DCC: variants seen among roughly 807,000 people sequenced by gnomAD.
DCC encodes DCC netrin 1 receptor, also known as netrin receptor DCC.
Under a neutral mutation model 172.5 loss-of-function variants are expected in DCC, and 58 were observed. The ratio of observed to expected loss-of-function variants is 0.34; its 90% CI spans 0.27 to 0.42. The LOEUF (loss-of-function observed/expected upper bound fraction) is 0.42, where lower values mean the gene tolerates loss of function less well. Ranked by LOEUF, DCC falls within the 10% of genes least tolerant of loss-of-function variation. DCC has a pLI of 1.00. For synonymous variants in DCC, 709 were observed against 644.5 expected (o/e 1.10, Z -1.52); for missense variants, 1,740 against 1,791.0 (o/e 0.97, Z 0.51).
chr18:52,662,039 T>C (rs2035369496), intron 1 of DCC, among the ~76,000 whole-genome samples: 1 of 152,148 alleles, frequency 6.6e-6, no homozygotes, highest in South Asian at 2.1e-4. Flanking sequence ...AAGACAAATA[T>C]AGAATGTAGG....
intron 1 of DCC, among the ~76,000 whole-genome samples, chr18:52,631,293 G>C (rs1382886854): frequency 1.3e-5 from 2 of 151,700 alleles, no homozygotes. Context: ...AATAAAAAGA[G>C]AGAGAAAGAA....
At chr18:52,520,432 T>C (rs1308348654) in intron 1 of DCC, among the ~76,000 whole-genome samples, 2 of 152,186 alleles carry the variant, frequency 1.3e-5, no homozygotes, top group Non-Finnish European at 2.9e-5. Flanking sequence ...AGGTAATACA[T>C]ACACATTTTA....
chr18:53,051,674 T>C (rs1269122428), intron 5 of DCC, among the ~76,000 whole-genome samples: 1 of 152,168 alleles, frequency 6.6e-6, no homozygotes, highest in Non-Finnish European at 1.5e-5. Context: ...TATTGGATAT[T>C]ATCATATGGA....
chr18:53,144,739 G>A (rs1378607745), intron 7 of DCC, among the ~76,000 whole-genome samples: 1 of 152,072 alleles, frequency 6.6e-6, no homozygotes, highest in African/African-American at 2.4e-5. Flanking sequence ...CAAGTCAGGG[G>A]CTGGTGCCAT....
At chr18:52,441,705 C>CA (rs1987974221) in intron 1 of DCC, among the ~76,000 whole-genome samples, 1 of 151,978 alleles carries the variant, frequency 6.6e-6, no homozygotes, top group East Asian at 1.9e-4. Context: ...CTTAAAGGTA[C>CA]AAAAGAAAGT....
At chr18:53,257,042 T>C (rs1032089426) in intron 12 of DCC, among the ~76,000 whole-genome samples, 6 of 152,230 alleles carry the variant, frequency 3.9e-5, no homozygotes, top group African/African-American at 1.4e-4. Flanking sequence ...AGAATGCTTG[T>C]GATTTTTTCA....
chr18:53,068,354 C>G (rs1185916975), intron 7 of DCC, among the ~76,000 whole-genome samples: 2 of 151,892 alleles, frequency 1.3e-5, no homozygotes, highest in Non-Finnish European at 2.9e-5. Context: ...TGCTGGTGTG[C>G]TGCACCCATT....
At chr18:52,712,762 G>A (rs758244907) in intron 1 of DCC, among the ~76,000 whole-genome samples, 95 of 152,230 alleles carry the variant, frequency 6.2e-4, no homozygotes, top group Admixed American at 1.2e-3. Context: ...TACACCAATC[G>A]ATATCCTAAT....
intron 1 of DCC, among the ~76,000 whole-genome samples, chr18:52,365,328 TATA>T (rs1265067028): frequency 6.6e-6 from 1 of 152,230 alleles, no homozygotes; most frequent in Non-Finnish European, 1.5e-5. Flanking sequence ...GCAAGGGAGA[TATA>T]GTAGTGGGCA....
At chr18:53,344,878 C>G (rs1239355742) in intron 15 of DCC, among the ~76,000 whole-genome samples, 2 of 141,462 alleles carry the variant, frequency 1.4e-5, no homozygotes, top group Admixed American at 7.2e-5. Flanking sequence ...GAGCAAGACT[C>G]TGTCTTGGAA....
chr18:52,785,505 T>G (rs1363260375), intron 2 of DCC, among the ~76,000 whole-genome samples: 1 of 152,096 alleles, frequency 6.6e-6, no homozygotes, highest in Non-Finnish European at 1.5e-5. Context: ...CAACTTTTTC[T>G]GGCTACTTCC....
At chr18:52,376,109 G>T (rs1395546475) in intron 1 of DCC, among the ~76,000 whole-genome samples, 1 of 152,118 alleles carries the variant, frequency 6.6e-6, no homozygotes, top group African/African-American at 2.4e-5. Flanking sequence ...GTAGGACGAT[G>T]GCTTGAACTA....
At chr18:52,614,637 G>A (rs1221890) in intron 1 of DCC, among the ~76,000 whole-genome samples, 137,709 of 152,168 alleles carry the variant, frequency 0.9, 62,780 homozygotes, top group Middle Eastern at 0.98. Flanking sequence ...TTCTATAAAT[G>A]TGTCAGGGAA....
chr18:52,438,078 G>T (rs1166186111), intron 1 of DCC, among the ~76,000 whole-genome samples: 1 of 152,164 alleles, frequency 6.6e-6, no homozygotes, highest in African/African-American at 2.4e-5. Context: ...AGATGCCACT[G>T]TTATTGCTGC....
At chr18:52,901,647 G>A (rs1047429124) in intron 2 of DCC, among the ~76,000 whole-genome samples, 26 of 152,114 alleles carry the variant, frequency 1.7e-4, no homozygotes, top group African/African-American at 4.3e-4. Context: ...ATAATGAAGC[G>A]GGGAAGTGAC....
At chr18:52,450,787 T>C (rs993740788) in intron 1 of DCC, among the ~76,000 whole-genome samples, 4 of 152,134 alleles carry the variant, frequency 2.6e-5, no homozygotes, top group Non-Finnish European at 5.9e-5. Flanking sequence ...TACTTCACTA[T>C]TGGAGAAAAT....
At chr18:53,465,883 G>A (rs1031337417) in intron 24 of DCC, among the ~76,000 whole-genome samples, 1 of 151,980 alleles carries the variant, frequency 6.6e-6, no homozygotes, top group Non-Finnish European at 1.5e-5. Context: ...TCTTGCCTCA[G>A]CCTCCCAAGT....
At chr18:53,302,521 A>G (rs544579620) in intron 12 of DCC, among the ~76,000 whole-genome samples, 6 of 151,756 alleles carry the variant, frequency 4.0e-5, no homozygotes, top group Non-Finnish European at 8.8e-5. Flanking sequence ...AATTTTCTTC[A>G]TTGTCTTCAA....
intron 7 of DCC, among the ~76,000 whole-genome samples, chr18:53,113,265 C>T (rs1025938743): frequency 6.6e-6 from 1 of 151,494 alleles, no homozygotes; most frequent in South Asian, 2.1e-4. Flanking sequence ...TCAGAGGCTG[C>T]TCGGTAAATA....
Sources: allele counts gnomAD v4.1 joint callset (sites outside exome capture counted in the v4.1 genomes callset), GRCh38; gene constraint gnomAD v4.1.1; transcripts MANE v1.5; gene names NCBI Gene and HGNC (gene_info 2026-07-23, HGNC 2026-07-21).